The following CCDC159 variants were observed in gnomAD, a reference collection of about 807,000 sequenced individuals.
The protein encoded by CCDC159 is coiled-coil domain-containing protein 159.
Under a neutral mutation model 50.9 loss-of-function variants are expected in CCDC159, and 40 were observed. The observed-to-expected ratio is 0.79, with a 90% confidence interval of 0.61 to 1.02. The LOEUF is 1.02. CCDC159 is among the 50% of genes least tolerant of loss of function. The probability of loss-of-function intolerance (pLI) is 0.00; values close to 1 mark genes in which losing one functional copy is unlikely to be tolerated. For missense variants in CCDC159, 356 were observed against 371.5 expected, an observed-to-expected ratio of 0.96 and a Z score of 0.34; for synonymous variants, 146 against 138.9, an observed-to-expected ratio of 1.05 and a Z score of -0.36.
At chr19:11,348,252 C>G in intron 1 of CCDC159, 2 of 415,202 alleles carry the variant, frequency 4.8e-6, no homozygotes, top group Non-Finnish European at 9.3e-6. Flanking sequence ...TTCTCACTGC[C>G]CAGCCCAAAC....
intron 5 of CCDC159, 63 bp from the exon 6 acceptor site, chr19:11,351,843 T>G: frequency 6.9e-7 from 1 of 1,449,888 alleles, no homozygotes; most frequent in Non-Finnish European, 9.5e-7. Context: ...GAGGCACAGA[T>G]AGGGGCATGG....
chr19:11,352,430 A>C, intron 7 of CCDC159: 1 of 379,586 alleles, frequency 2.6e-6, no homozygotes, highest in Non-Finnish European at 4.9e-6. Context: ...ACATGATGAA[A>C]CCCCGTCTAT....
Position 11,350,130 on chromosome 19 carries a change from C to T in CCDC159, c.157C>T (p.Leu53=). ...CTCTTTCCCCCAGGCTTTCGAGTTCCTGAACCACTCAGTGACCATGTTGGA... is the reference window on the plus strand; with the variant it reads ...CTCTTTCCCCCAGGCTTTCGAGTTCTTGAACCACTCAGTGACCATGTTGGA... The part of the protein sequence containing the change: ...LQAQTKAFEF[L]NHSVTMLEKE... The change falls in exon 4 of 11, where the codon CTG becomes TTG. Residue 53 remains leucine, a synonymous_variant. Coordinates refer to ENST00000458408, the MANE Select transcript of CCDC159 (RefSeq NM_001080503.3). 6.2e-7 allele frequency: 1 copy of T among 1,613,678 alleles called. No individual in the cohort carries two copies.
At chr19:11,352,379 G>T in intron 7 of CCDC159, 1 of 491,994 alleles carries the variant, frequency 2.0e-6, no homozygotes, top group Non-Finnish European at 3.7e-6. Context: ...ACTTTGGGAG[G>T]CTGAGGTGGG....
At chr19:11,353,966 C>G (rs1967736105) in intron 9 of CCDC159, 92 bp downstream of exon 9, 2 of 979,492 alleles carry the variant, frequency 2.0e-6, no homozygotes, top group South Asian at 3.1e-5. Context: ...GGAGTCACAT[C>G]TGATGGGTGT....
chr19:11,349,661 T>C lies in CCDC159; in HGVS notation c.29T>C (p.Leu10Ser), dbSNP rs769317534. Residue 10 changes from leucine (L) to serine (S), a missense_variant, in exon 2 of 11, where the codon TTG becomes TCG. Physicochemically the swap from Leu to Ser is moderately radical, Grantham distance 145. Coordinates refer to ENST00000458408, the MANE Select transcript of CCDC159 (RefSeq NM_001080503.3). MGEHEQVKP[L>S]ETSSSKVKAK... ...CTCATCTCTCTTCCTTAGAAGCCCTTGGAGACCAGCTCTTCCAAAGTCAAA... is the reference window on the plus strand; with the variant it reads ...CTCATCTCTCTTCCTTAGAAGCCCTCGGAGACCAGCTCTTCCAAAGTCAAA... 1 of 1,613,246 alleles carries C rather than the reference T, an allele frequency of 6.2e-7. No homozygotes were observed. The highest frequency in any genetic ancestry group is 8.5e-7 in the Non-Finnish European group (1 of 1,179,470).
At chr19:11,353,628 C>T (rs1233760871) in intron 8 of CCDC159, 56 bp downstream of exon 8, 5 of 1,601,970 alleles carry the variant, frequency 3.1e-6, no homozygotes, top group Non-Finnish European at 4.3e-6. Flanking sequence ...GTTCCCCCAA[C>T]GGGATCTGGC....
chr19:11,353,735 C>G (rs1296604244), intron 8 of CCDC159, 57 bp from the exon 9 acceptor site: 1 of 1,546,386 alleles, frequency 6.5e-7, no homozygotes. Flanking sequence ...GTACTGCTGT[C>G]TACACCCTGA....
intron 1 of CCDC159, chr19:11,348,246 C>G (rs1161823770): frequency 2.3e-6 from 1 of 434,162 alleles, no homozygotes. Flanking sequence ...GGGTCCTTCT[C>G]ACTGCCCAGC....
chr19:11,353,669 G>A, intron 8 of CCDC159, 97 bp downstream of exon 8: 1 of 1,581,166 alleles, frequency 6.3e-7, no homozygotes, highest in Non-Finnish European at 8.6e-7. Context: ...GCCCACCTGA[G>A]TCCAGACTTC....
chr19:11,352,701 T>G (rs1228834278), intron 7 of CCDC159, among the ~76,000 whole-genome samples: 1 of 151,528 alleles, frequency 6.6e-6, no homozygotes, highest in African/African-American at 2.4e-5. Context: ...GAGGCTGAGG[T>G]GGTTGGATTG....
chr19:11,349,368 A>G (rs1409538162), intron 1 of CCDC159: 2 of 502,648 alleles, frequency 4.0e-6, no homozygotes, highest in Non-Finnish European at 7.1e-6. Context: ...GCAAGTCTTA[A>G]ATGAATGGAT....
chr19:11,351,940 C>G lies in CCDC159; in HGVS notation c.457C>G (p.Arg153Gly). 6.2e-7 allele frequency: 1 copy of G among 1,603,958 alleles called. No homozygotes were observed. Among genetic ancestry groups the G allele is most frequent in the Non-Finnish European group, 8.5e-7 (1 of 1,175,714 alleles). The change falls in exon 6 of 11, where the codon CGG becomes GGG. Residue 153 changes from arginine to glycine, a missense_variant. Transcript: ENST00000458408. Reference sequence around the variant, plus strand: ...CCTGTGGGAGGAGCTGGAACTGGTGCGGGAGGAGGTGACCTTCATCTATCA... The same window carrying G: ...CCTGTGGGAGGAGCTGGAACTGGTGGGGGAGGAGGTGACCTTCATCTATCA... ...KFLWEELELVREEVTFIYQKL... is the reference protein window; with the variant it reads ...KFLWEELELVGEEVTFIYQKL...
In CCDC159 at chr19:11,354,653, C is replaced by T. The variant is rs1415153656; in HGVS notation, c.846C>T (p.Leu282=). Reference sequence around the variant, plus strand: ...CTGACTCCGACTGTGACCAGGACCTCTCCCAGCCACCTTTCAGCAAGAGCG... The same window carrying T: ...CTGACTCCGACTGTGACCAGGACCTTTCCCAGCCACCTTTCAGCAAGAGCG... The part of the protein sequence containing the change: ...WDSDSDCDQD[L]SQPPFSKSGR... The change falls in exon 10 of 11, where the codon CTC becomes CTT. Residue 282 remains leucine (L), a synonymous_variant. Coordinates refer to ENST00000458408, the MANE Select transcript of CCDC159 (RefSeq NM_001080503.3). 1 of 1,606,766 alleles carries T rather than the reference C, an allele frequency of 6.2e-7. No homozygotes were observed. The highest frequency in any genetic ancestry group is 1.1e-5 in the South Asian group (1 of 89,998).
intron 7 of CCDC159, among the ~76,000 whole-genome samples, chr19:11,352,909 C>T (rs1157565467): frequency 1.3e-5 from 2 of 151,634 alleles, no homozygotes; most frequent in Admixed American, 6.6e-5. Flanking sequence ...CTAGCCTGGG[C>T]GACAGACTGA....
chr19:11,350,738 G>A, intron 4 of CCDC159, 70 bp from the exon 5 acceptor site: 2 of 1,424,180 alleles, frequency 1.4e-6, no homozygotes, highest in South Asian at 1.4e-5. Flanking sequence ...TCTGGGTTCT[G>A]GGTCAAGATT....
At chr19:11,354,490 A>G in intron 9 of CCDC159, 90 bp from the exon 10 acceptor site, 1 of 1,173,980 alleles carries the variant, frequency 8.5e-7, no homozygotes. Flanking sequence ...TCATGGTTTA[A>G]GTATCAATGA....
chr19:11,348,883 T>C (rs1967414511), intron 1 of CCDC159: 1 of 933,944 alleles, frequency 1.1e-6, no homozygotes, highest in African/African-American at 1.7e-5. Context: ...GTTAGGGGGC[T>C]CCCATAGGGC....
rs768738689 is a variant in CCDC159, at chr19:11,353,545, A to G, written c.662A>G (p.Asp221Gly). The change falls in exon 8 of 11, where the codon GAC (aspartate) becomes GGC (glycine). Residue 221 changes from aspartate to glycine, a missense_variant. By Grantham distance (94) the Asp-to-Gly change is moderately conservative. Coordinates refer to ENST00000458408, the MANE Select transcript of CCDC159 (RefSeq NM_001080503.3). The stretch of plus-strand genomic sequence containing the variant: ...GGAGCCAGTGGCTGCTGGAAGGATG[A>G]CCTCCAGAAGGAACTGAGTGATATA... ...PQGASGCWKD[D>G]LQKELSDIWS... 6.2e-6 allele frequency: 10 copies of G among 1,613,324 alleles called. No individual in the cohort carries two copies. The highest frequency in any genetic ancestry group is 7.6e-6 in the Non-Finnish European group (9 of 1,179,750).
Sources: allele counts gnomAD v4.1 joint callset (sites outside exome capture counted in the v4.1 genomes callset), GRCh38; gene constraint gnomAD v4.1.1; transcripts MANE v1.5; gene names NCBI Gene and HGNC (gene_info 2026-07-23, HGNC 2026-07-21).